SPTBN1: variants seen among roughly 807,000 people sequenced by gnomAD.
The protein encoded by SPTBN1 is spectrin beta, non-erythrocytic 1, also known as spectrin beta chain, non-erythrocytic 1.
Under a neutral mutation model 266.4 loss-of-function variants are expected in SPTBN1, and 32 were observed. The observed-to-expected ratio is 0.12, with a 90% CI of 0.09 to 0.16. The LOEUF (loss-of-function observed/expected upper bound fraction) is 0.16, where lower values mean the gene tolerates loss of function less well. Among genes scored for constraint, SPTBN1 ranks in the 10% least tolerant of loss-of-function variants. SPTBN1 has a pLI of 1.00. For synonymous variants in SPTBN1, 1,336 were observed against 1,162.2 expected (o/e 1.15, Z -3.04); for missense variants, 2,296 against 3,067.1 (o/e 0.75, Z 5.94).
chr2:54,566,508 A>C (rs1342625559), intron 2 of SPTBN1, among the ~76,000 whole-genome samples: 1 of 151,966 alleles, frequency 6.6e-6, no homozygotes, highest in Non-Finnish European at 1.5e-5. Context: ...TGTTTTTCAA[A>C]TGTTTAATAT....
At chr2:54,651,666 T>C (rs1680301132) in intron 26 of SPTBN1, among the ~76,000 whole-genome samples, 1 of 152,228 alleles carries the variant, frequency 6.6e-6, no homozygotes, top group Non-Finnish European at 1.5e-5. Flanking sequence ...TCTTGTACCT[T>C]ACATTTTATT....
intron 1 of SPTBN1, among the ~76,000 whole-genome samples, chr2:54,469,424 A>G (rs921341837): frequency 6.6e-6 from 1 of 152,046 alleles, no homozygotes; most frequent in East Asian, 1.9e-4. Flanking sequence ...CACAGTTAAG[A>G]GGGAAAAATC....
In SPTBN1 at chr2:54,655,174, C is replaced by G. The variant is rs140417011; in HGVS notation, c.5927C>G (p.Ser1976Cys). Residue 1976 changes from serine to cysteine, a missense_variant, in exon 28 of 36, where the codon TCC becomes TGC. Coordinates refer to ENST00000356805, the MANE Select transcript of SPTBN1 (RefSeq NM_003128.3). ...SFTTCIELGK[S>C]LLARKHYASE... ...ACAACCTGCATTGAACTTGGGAAAT[C>G]CCTGTTGGCGAGAAAACACTATGCA... 6.2e-7 allele frequency: 1 copy of G among 1,614,010 alleles called. No homozygotes were observed. The highest frequency in any genetic ancestry group is 1.3e-5 in the African/African-American group (1 of 74,918).
chr2:54,520,226 C>T (rs1312335523), intron 1 of SPTBN1: 1 of 152,196 alleles, frequency 6.6e-6, no homozygotes, highest in Admixed American at 6.5e-5. Flanking sequence ...AATGTGGTAT[C>T]TTGGGAAGTA....
chr2:54,511,911 A>G (rs542053790), intron 1 of SPTBN1, among the ~76,000 whole-genome samples: 8 of 152,314 alleles, frequency 5.3e-5, no homozygotes, highest in Non-Finnish European at 1.2e-4. Context: ...TCACCATGAT[A>G]TAGAATCAGT....
chr2:54,598,987 G>A, intron 2 of SPTBN1, 105 bp from the exon 3 acceptor site: 1 of 1,380,684 alleles, frequency 7.2e-7, no homozygotes, highest in East Asian at 2.3e-5. Context: ...TTGGAGGTCA[G>A]TTTTGCTGAC....
At position 54,626,813 on chromosome 2, in the gene SPTBN1, T is replaced by C. The variant is rs1356133364; in HGVS notation, c.1644+579T>C. Among the ~76,000 whole-genome samples, 1 of 152,222 alleles carries C rather than the reference T, an allele frequency of 6.6e-6. No homozygotes were observed. The highest frequency in any genetic ancestry group is 1.5e-5 in the Non-Finnish European group (1 of 68,040). On this transcript the variant is annotated intron_variant, in intron 12 of 35. Transcript: ENST00000356805. The surrounding 1 kb of genome is among the most constrained non-coding windows in gnomAD (Gnocchi z 4.7). ...GGTAGTATGTGCACAGATCATGGGA[T>C]GGGCTGGATGGCAGTGGCTGGTCAT...
chr2:54,514,091 G>T (rs765218412), intron 1 of SPTBN1, among the ~76,000 whole-genome samples: 1 of 152,168 alleles, frequency 6.6e-6, no homozygotes, highest in African/African-American at 2.4e-5. Flanking sequence ...TCTTCTCAGG[G>T]ACTCAAATAA....
At position 54,485,244 on chromosome 2, in the gene SPTBN1, G is replaced by A. The variant is rs188877649; in HGVS notation, c.-48+28726G>A. ...CATGGTCTCCCTCTGATGCCAAGCC[G>A]AAGCTGGACTGTACTGCTCCCATCT... On this transcript the variant is annotated intron_variant, in intron 1 of 35. Coordinates refer to ENST00000356805, the MANE Select transcript of SPTBN1 (RefSeq NM_003128.3). Among the ~76,000 whole-genome samples the A allele has an allele frequency of 6.6e-3, 1,001 of 151,384 alleles. 12 individuals carry two copies. The highest frequency in any genetic ancestry group is 0.023 in the African/African-American group (950 of 41,330).
intron 1 of SPTBN1, among the ~76,000 whole-genome samples, chr2:54,477,072 A>G (rs1013326600): frequency 6.6e-6 from 1 of 152,092 alleles, no homozygotes; most frequent in African/African-American, 2.4e-5. Context: ...TTCTGTAACA[A>G]GTTTTCTAGA....
At position 54,651,669 on chromosome 2, in the gene SPTBN1, A is replaced by G. The variant is rs566537242; in HGVS notation, c.5577+1680A>G. Among the ~76,000 whole-genome samples the G allele has an allele frequency of 6.6e-5, 10 of 152,304 alleles. No individual in the cohort carries two copies. The South Asian group carries it at 2.1e-3, about 32-fold the overall frequency. ...CTTTTGCTGTCCTCTTGTACCTTAC[A>G]TTTTATTGCGAGCAAATTGAAAACA... On this transcript the variant is annotated intron_variant, in intron 26 of 35. Transcript: ENST00000356805.
chr2:54,644,238 C>T (rs544623325), intron 19 of SPTBN1, 85 bp from the exon 20 acceptor site: 1 of 1,506,312 alleles, frequency 6.6e-7, no homozygotes, highest in African/African-American at 1.4e-5. Context: ...AATCACAGAT[C>T]AAATGTCCTA....
At chr2:54,522,678 G>GAGAGAGAGAGAGA (rs370803474) in intron 1 of SPTBN1, among the ~76,000 whole-genome samples, 6 of 78,572 alleles carry the variant, frequency 7.6e-5, no homozygotes, top group African/African-American at 1.4e-4. Context: ...GAGAGAGAGA[G>GAGAGAGAGAGAGA]GAGAGAGAGA....
intron 4 of SPTBN1, among the ~76,000 whole-genome samples, chr2:54,614,860 T>G (rs764270388): frequency 6.6e-6 from 1 of 152,002 alleles, no homozygotes; most frequent in Non-Finnish European, 1.5e-5. Context: ...TTGCCTAGTT[T>G]AAATAGGGAG....
At chr2:54,567,577 T>C (rs1673749404) in intron 2 of SPTBN1, among the ~76,000 whole-genome samples, 1 of 152,122 alleles carries the variant, frequency 6.6e-6, no homozygotes, top group African/African-American at 2.4e-5. Flanking sequence ...ATTATTTTTA[T>C]TTGTATATAT....
chr2:54,471,616 A>T (rs1394566448), intron 1 of SPTBN1, among the ~76,000 whole-genome samples: 1 of 152,098 alleles, frequency 6.6e-6, no homozygotes, highest in Non-Finnish European at 1.5e-5. Context: ...CTGTGCATCA[A>T]ATGTTGGAAT....
At chr2:54,490,228 T>C (rs1313049635) in intron 1 of SPTBN1, among the ~76,000 whole-genome samples, 1 of 151,994 alleles carries the variant, frequency 6.6e-6, no homozygotes. Context: ...CGTGCCACCA[T>C]GCCCTGCTAA....
chr2:54,623,685 A>T, intron 10 of SPTBN1, 89 bp downstream of exon 10: 2 of 1,068,380 alleles, frequency 1.9e-6, no homozygotes, highest in Non-Finnish European at 2.7e-6. Flanking sequence ...AGGACAAGAG[A>T]CTGGAAGGGG....
chr2:54,567,436 G>A (rs1222019447), intron 2 of SPTBN1, among the ~76,000 whole-genome samples: 1 of 152,044 alleles, frequency 6.6e-6, no homozygotes, highest in Non-Finnish European at 1.5e-5. Flanking sequence ...TACCTCTTGG[G>A]CTCAAGCCAT....
Sources: gnomAD v4.1 joint callset for allele counts (sites outside exome capture counted in the v4.1 genomes callset) on GRCh38, gnomAD v4.1.1 for gene constraint, Gnocchi (gnomAD v3.1) non-coding constraint, MANE v1.5 for transcripts, NCBI Gene and HGNC (gene_info 2026-07-23, HGNC 2026-07-21) for gene names.